ANKRD44: variants seen among roughly 807,000 people sequenced by gnomAD.
ANKRD44 encodes the protein serine/threonine-protein phosphatase 6 regulatory ankyrin repeat subunit B.
Under a neutral mutation model 116.0 loss-of-function variants are expected in ANKRD44, and 35 were observed. The observed-to-expected ratio is 0.30, with a 90% CI of 0.23 to 0.40. The LOEUF is 0.40. Among genes scored for constraint, ANKRD44 ranks in the 10% least tolerant of loss-of-function variants. ANKRD44 has a pLI of 1.00. For missense variants in ANKRD44, 1,014 were observed against 1,242.6 expected (o/e 0.82, Z 2.77); for synonymous variants, 435 against 461.8 (o/e 0.94, Z 0.74).
intron 1 of ANKRD44, among the ~76,000 whole-genome samples, chr2:197,207,674 C>A (rs539296783): frequency 3.9e-5 from 6 of 152,110 alleles, no homozygotes; most frequent in Non-Finnish European, 8.8e-5. Flanking sequence ...TTATGATAGA[C>A]CTTTCCCCAG....
At chr2:197,166,621 C>T (rs773347013) in intron 2 of ANKRD44, among the ~76,000 whole-genome samples, 14 of 152,190 alleles carry the variant, frequency 9.2e-5, no homozygotes, top group Non-Finnish European at 2.1e-4. Flanking sequence ...TTGTTTTAAA[C>T]ATATGCCAGA....
At chr2:197,083,853 G>A (rs965523847) in intron 13 of ANKRD44, among the ~76,000 whole-genome samples, 10 of 152,188 alleles carry the variant, frequency 6.6e-5, no homozygotes, top group South Asian at 2.1e-4. Flanking sequence ...TGCTTAACCT[G>A]TATAAACTGG....
intron 18 of ANKRD44, among the ~76,000 whole-genome samples, chr2:197,009,747 G>C (rs1369853538): frequency 6.6e-6 from 1 of 152,174 alleles, no homozygotes; most frequent in Admixed American, 6.5e-5. Context: ...CCAGCTCAAG[G>C]TAGTTTCCAG....
chr2:197,006,042 A>G (rs542389596), intron 20 of ANKRD44, 132 bp from the exon 21 acceptor site: 1 of 777,780 alleles, frequency 1.3e-6, no homozygotes, highest in African/African-American at 1.7e-5. Context: ...ACTCTGTCCT[A>G]TTTCAAGGGC....
chr2:197,092,363 T>C (rs2078061518), intron 10 of ANKRD44, among the ~76,000 whole-genome samples: 1 of 152,226 alleles, frequency 6.6e-6, no homozygotes, highest in Admixed American at 6.5e-5. Flanking sequence ...TTTGAATTTG[T>C]TAAGCTTTGG....
chr2:196,985,289 G>A (rs1251677611), downstream of ANKRD44, among the ~76,000 whole-genome samples: 2 of 152,112 alleles, frequency 1.3e-5, no homozygotes, highest in Non-Finnish European at 2.9e-5. Context: ...GCTAAACTAG[G>A]GCTGACTCAT....
intron 2 of ANKRD44, among the ~76,000 whole-genome samples, chr2:197,153,028 C>G (rs750442948): frequency 6.6e-6 from 1 of 151,618 alleles, no homozygotes; most frequent in Non-Finnish European, 1.5e-5. Context: ...ACCAGGAGAC[C>G]TCGTCTCTAT....
intron 16 of ANKRD44, among the ~76,000 whole-genome samples, chr2:197,072,040 GAGGAAAGAAGGAAGGA>G (rs1267464334): frequency 0.017 from 2,199 of 132,556 alleles, 27 homozygotes; most frequent in Non-Finnish European, 0.02. Context: ...GGGATGGAGG[GAGGAAAGAAGGAAGGA>G]AGGAAGGAAG....
chr2:197,179,200 C>T (rs1308758026), intron 2 of ANKRD44, among the ~76,000 whole-genome samples: 2 of 152,086 alleles, frequency 1.3e-5, no homozygotes, highest in South Asian at 2.1e-4. Context: ...TGATTGCTAT[C>T]GTTTTGTAAT....
chr2:196,984,316 A>G (rs555904842), downstream of ANKRD44, among the ~76,000 whole-genome samples: 94 of 152,316 alleles, frequency 6.2e-4, 1 homozygote, highest in African/African-American at 2.3e-3. Flanking sequence ...CATTGTGCCA[A>G]CTACAAATGC....
chr2:196,999,839 C>T (rs961517385), intron 23 of ANKRD44, among the ~76,000 whole-genome samples: 5 of 152,008 alleles, frequency 3.3e-5, no homozygotes, highest in Admixed American at 2.0e-4. Context: ...ATGATCCACC[C>T]GCCTCGGCCT....
chr2:197,249,194 G>A (rs1387637248), intron 1 of ANKRD44, among the ~76,000 whole-genome samples: 1 of 152,154 alleles, frequency 6.6e-6, no homozygotes, highest in African/African-American at 2.4e-5. Context: ...GATCGCTTGA[G>A]CCCAGGAATT....
At chr2:197,288,620 TA>T (rs1198045582) in intron 1 of ANKRD44, among the ~76,000 whole-genome samples, 1 of 20,240 alleles carries the variant, frequency 4.9e-5, no homozygotes. Context: ...GAAAATGTGA[TA>T]TATATATATA....
chr2:197,072,453 A>C (rs1181902840), intron 16 of ANKRD44, among the ~76,000 whole-genome samples: 2 of 152,224 alleles, frequency 1.3e-5, no homozygotes, highest in East Asian at 3.8e-4. Flanking sequence ...AAAGTAATCA[A>C]ATCTAAAGAA....
chr2:197,146,916 C>CGCATATCA, intron 3 of ANKRD44, 111 bp downstream of exon 3: 1 of 823,026 alleles, frequency 1.2e-6, no homozygotes, highest in Admixed American at 2.7e-5. Flanking sequence ...ACATAAACTT[C>CGCATATCA]CATGAACATA....
chr2:197,092,042 T>A (rs2078054539), intron 10 of ANKRD44, among the ~76,000 whole-genome samples: 1 of 152,212 alleles, frequency 6.6e-6, no homozygotes, highest in Non-Finnish European at 1.5e-5. Flanking sequence ...CGGGATTAAA[T>A]GCTCCTCCTC....
intron 12 of ANKRD44, among the ~76,000 whole-genome samples, chr2:197,088,451 G>T (rs1196973896): frequency 1.3e-5 from 2 of 151,350 alleles, no homozygotes; most frequent in South Asian, 4.2e-4. Flanking sequence ...TCTATAGCCT[G>T]AAAATCTATA....
At chr2:197,085,107 G>T (rs1050042637) in intron 13 of ANKRD44, among the ~76,000 whole-genome samples, 2 of 152,132 alleles carry the variant, frequency 1.3e-5, no homozygotes, top group Non-Finnish European at 2.9e-5. Flanking sequence ...GATAGTCAAA[G>T]AATAATAAAC....
intron 10 of ANKRD44, among the ~76,000 whole-genome samples, chr2:197,090,785 G>A (rs1025105610): frequency 6.6e-6 from 1 of 152,156 alleles, no homozygotes; most frequent in African/African-American, 2.4e-5. Context: ...GACTATGGCT[G>A]AACGTCAGAG....
Sources: gnomAD v4.1 joint callset for allele counts (sites outside exome capture counted in the v4.1 genomes callset) on GRCh38, gnomAD v4.1.1 for gene constraint, MANE v1.5 for transcripts, NCBI Gene and HGNC (gene_info 2026-07-23, HGNC 2026-07-21) for gene names.